Variants in TRPM5 observed in about 807,000 individuals in gnomAD.
TRPM5 encodes the protein MLSN1 and TRP-related.
In TRPM5, 121 loss-of-function variants were observed where a neutral mutation model predicts 124.9. The ratio of observed to expected loss-of-function variants is 0.97; its 90% confidence interval spans 0.84 to 1.13. The LOEUF (loss-of-function observed/expected upper bound fraction) is 1.13. Among genes scored for constraint, TRPM5 ranks in the 50% most tolerant of loss-of-function variants. TRPM5 has a pLI of 0.00. For missense variants in TRPM5, 1,643 were observed against 1,589.1 expected, an observed-to-expected ratio of 1.03 and a Z score of -0.58; for synonymous variants, 781 against 700.5, an observed-to-expected ratio of 1.11 and a Z score of -1.81.
chr11:2,418,034 G>A (rs1012543867), intron 6 of TRPM5, 133 bp downstream of exon 11: 30 of 996,266 alleles, frequency 3.0e-5, no homozygotes, highest in African/African-American at 1.9e-4. Context: ...GGCCTGAAGC[G>A]AGAGTGGGTG....
chr11:2,411,376 G>A lies in TRPM5; in HGVS notation c.2758C>T (p.Gln920Ter). 1 of 1,608,138 alleles carries A rather than the reference G, an allele frequency of 6.2e-7. No individual in the cohort carries two copies. The highest frequency in any genetic ancestry group is 8.5e-7 in the Non-Finnish European group (1 of 1,176,700). ...CCATCAATCTCGTCCAGTGGGATCT[G>A]GCCGAAGATCTGCAGGTAGGGCCGG... Residue 920 changes from glutamine (Q) to a stop codon, truncating the protein, a stop_gained, in exon 18 of 24, where the codon CAG (glutamine) becomes TAG (stop). Coordinates refer to ENST00000155858, the Ensembl canonical transcript of TRPM5. LOFTEE classifies it high-confidence loss of function.
chr11:2,417,713 C>CA lies in TRPM5; in HGVS notation c.1009+13_1009+14insT. ...CCCAATGGCGCCTGCCTTGCCCACCCTGCCCGCCCTCACCTTTCACCAGCG... is the reference window on the plus strand; with the variant it reads ...CCCAATGGCGCCTGCCTTGCCCACCCATGCCCGCCCTCACCTTTCACCAGCG... On this transcript the variant is annotated intron_variant, in intron 7 of 23. Coordinates refer to ENST00000155858, the Ensembl canonical transcript of TRPM5. 1 of 1,467,342 alleles carries CA rather than the reference C, an allele frequency of 6.8e-7. No individual in the cohort carries two copies. Among genetic ancestry groups the CA allele is most frequent in the Non-Finnish European group, 9.4e-7 (1 of 1,066,002 alleles). The allele number at this position is 1,467,342 out of a possible 1,614,324, so 90.9% of individuals were successfully genotyped here. A position where few individuals can be genotyped will look rare whatever the true frequency, so the allele number is the denominator to read the frequency against.
chr11:2,433,570 G>A, the TRPM5 span, among the ~76,000 whole-genome samples: 1 of 152,224 alleles, frequency 6.6e-6, no homozygotes, highest in Non-Finnish European at 1.5e-5. Context: ...CAAGGCTGCA[G>A]TAGGACTTTC....
At chr11:2,428,390 C>T in the TRPM5 span, among the ~76,000 whole-genome samples, 17,121 of 152,122 alleles carry the variant, frequency 0.11, 1,159 homozygotes, top group Middle Eastern at 0.16. This position sits in a 1 kb window ranked among gnomAD's most constrained non-coding sequence, Gnocchi z 4.0. Flanking sequence ...CACCAGAGGG[C>T]GCTAAAGGAC....
At chr11:2,410,745 C>T in intron 18 of TRPM5, 1 of 450,024 alleles carries the variant, frequency 2.2e-6, no homozygotes, top group South Asian at 1.6e-5. Flanking sequence ...GGCCTGGGGA[C>T]ACCCATAGGC....
chr11:2,418,453 C>T, intron 5 of TRPM5, 74 bp downstream of exon 10: 3 of 1,551,836 alleles, frequency 1.9e-6, no homozygotes, highest in Non-Finnish European at 2.6e-6. Context: ...CAGCCCTGTC[C>T]CAGGGGTGCC....
intron 21 of TRPM5, 28 bp downstream of exon 26, chr11:2,406,633 C>A (rs751901068): frequency 5.7e-6 from 9 of 1,580,336 alleles, no homozygotes; most frequent in African/African-American, 1.4e-5. Context: ...GCCCGATACC[C>A]ACCAGTGATC....
the TRPM5 span, among the ~76,000 whole-genome samples, chr11:2,434,624 G>C: frequency 2.0e-5 from 3 of 151,698 alleles, no homozygotes; most frequent in Non-Finnish European, 4.4e-5. Context: ...TAGGTGCACT[G>C]TGTGTGTGTG....
At chr11:2,441,714 A>G in the TRPM5 span, among the ~76,000 whole-genome samples, 1 of 151,160 alleles carries the variant, frequency 6.6e-6, no homozygotes, top group African/African-American at 2.4e-5. This position sits in a 1 kb window ranked among gnomAD's most constrained non-coding sequence, Gnocchi z 7.2. Context: ...TTTTAGATGG[A>G]GTTTCGCTCT....
chr11:2,407,429 C>A (rs1238173396), intron 19 of TRPM5, 129 bp from the exon 25 acceptor site: 2 of 934,650 alleles, frequency 2.1e-6, no homozygotes, highest in Admixed American at 5.6e-5. Context: ...TTCTGCGTTG[C>A]CTCTGGGGTG....
the TRPM5 span, among the ~76,000 whole-genome samples, chr11:2,440,755 C>G: frequency 6.6e-6 from 1 of 152,194 alleles, no homozygotes; most frequent in African/African-American, 2.4e-5. The surrounding 1 kb of genome is among the most constrained non-coding windows in gnomAD (Gnocchi z 5.2). Flanking sequence ...GGGGAATGAA[C>G]GAATGATTGA....
In TRPM5 at chr11:2,421,155, C is replaced by G. The variant is rs552166045; in HGVS notation, c.342G>C (p.Arg114Ser). Residue 114 changes from arginine (R) to serine (S), a missense_variant, in exon 3 of 24, where the codon AGG becomes AGC. Coordinates refer to ENST00000155858, the Ensembl canonical transcript of TRPM5. ...GGTCGCGCACGGCCTGCCCGACATGCCTGGCCAGGCCCACGCGGAGGGCAC... is the reference window on the plus strand; with the variant it reads ...GGTCGCGCACGGCCTGCCCGACATGGCTGGCCAGGCCCACGCGGAGGGCAC... The G allele has an allele frequency of 1.4e-4, 223 of 1,542,082 alleles. 1 individual carries two copies. In the South Asian group the frequency reaches 2.5e-3, roughly 17 times the overall value.
intron 4 of TRPM5, among the ~76,000 whole-genome samples, chr11:2,419,081 T>C (rs1003932602): frequency 2.6e-5 from 4 of 152,156 alleles, no homozygotes; most frequent in Non-Finnish European, 5.9e-5. Context: ...GGCCTGGACC[T>C]GCCCCTGTCT....
At chr11:2,410,128 C>T (rs1850415367) in intron 18 of TRPM5, among the ~76,000 whole-genome samples, 2 of 152,204 alleles carry the variant, frequency 1.3e-5, no homozygotes, top group African/African-American at 4.8e-5. Context: ...TCTGGTTAAA[C>T]TAATGGCCTG....
At chr11:2,406,223 T>C in intron 21 of TRPM5, 132 bp from the exon 27 acceptor site, 1 of 915,516 alleles carries the variant, frequency 1.1e-6, no homozygotes, top group Non-Finnish European at 1.7e-6. Flanking sequence ...TCCTCCCTCA[T>C]GCCCAGATCT....
chr11:2,414,009 G>GGGGGGGGCCCCCCCCCCCCCCCCCCC, intron 12 of TRPM5, 52 bp downstream of exon 17: 3 of 1,023,730 alleles, frequency 2.9e-6, no homozygotes, highest in East Asian at 2.8e-5. Flanking sequence ...GGCCCAGCTC[G>GGGGGGGGCCCCCCCCCCCCCCCCCCC]CCCGCCCACC....
intron 21 of TRPM5, 171 bp from the exon 27 acceptor site, chr11:2,406,262 C>T: frequency 5.6e-6 from 4 of 716,774 alleles, no homozygotes; most frequent in Non-Finnish European, 9.6e-6. Flanking sequence ...CAAAGTGCAC[C>T]TGGTGCAGTA....
In TRPM5 at chr11:2,414,850, G is replaced by A. The variant is rs776455808; in HGVS notation, c.1621-12C>T. ...ACACCTTCCTGGCCCTACGAGACCTGGTCTCAGGAGGCCGCCCCTCCCCTG... is the reference window on the plus strand; with the variant it reads ...ACACCTTCCTGGCCCTACGAGACCTAGTCTCAGGAGGCCGCCCCTCCCCTG... On this transcript the variant is annotated splice_polypyrimidine_tract_variant and intron_variant, in intron 10 of 23. Transcript: ENST00000155858. 6.3e-7 allele frequency: 1 copy of A among 1,589,778 alleles called. No homozygotes were observed. Among genetic ancestry groups the A allele is most frequent in the South Asian group, 1.1e-5 (1 of 88,044 alleles).
At chr11:2,415,091 G>A (rs755811035) in intron 9 of TRPM5, 30 bp downstream of exon 14, 54 of 1,583,754 alleles carry the variant, frequency 3.4e-5, no homozygotes, top group South Asian at 2.5e-4. Context: ...CCCCAGCCTC[G>A]CCCTCCATCC....
Sources: gnomAD v4.1 joint callset for allele counts (sites outside exome capture counted in the v4.1 genomes callset) on GRCh38, gnomAD v4.1.1 for gene constraint, Gnocchi (gnomAD v3.1) non-coding constraint, MANE v1.5 for transcripts, NCBI Gene and HGNC (gene_info 2026-07-23, HGNC 2026-07-21) for gene names.